Variants in ISCU observed in about 807,000 individuals in gnomAD.
ISCU encodes iron-sulfur cluster assembly enzyme, also known as iron-sulfur cluster assembly enzyme ISCU.
A neutral mutation model predicts 18.4 loss-of-function variants in ISCU; 13 were observed. The ratio of observed to expected loss-of-function variants is 0.71; its 90% confidence interval spans 0.46 to 1.12. The LOEUF is 1.12. ISCU is among the 50% of genes most tolerant of loss of function. The pLI, the probability that ISCU is intolerant of heterozygous loss-of-function variation, is 0.00. For synonymous variants in ISCU, 104 were observed against 87.5 expected (o/e 1.19, Z -1.06); for missense variants, 229 against 208.7 (o/e 1.10, Z -0.60).
At position 108,562,637 on chromosome 12, in the gene ISCU, G is replaced by A. The variant is rs753475516; in HGVS notation, c.15G>A (p.Gly5=). MAAA[G]AFRLRRAASA... ...AAGCCGGCAAGATGGCGGCGGCTGG[G>A]GCTTTCCGTCTGAGGCGGGCGGCAT... Residue 5 remains glycine (G), a synonymous_variant, in exon 1 of 5, where the codon GGG becomes GGA. Transcript: ENST00000311893. The A allele has an allele frequency of 4.7e-6, 7 of 1,480,472 alleles. No homozygotes were observed. In the Admixed American group the frequency reaches 6.8e-5, roughly 14 times the overall value. 91.7% of individuals were successfully genotyped at this position (1,480,472 alleles called of 1,614,324 possible).
chr12:108,564,979 C>T, intron 2 of ISCU: 1 of 352,060 alleles, frequency 2.8e-6, no homozygotes, highest in Non-Finnish European at 5.2e-6. Context: ...TGGACTCTGT[C>T]AGTGTTTAAA....
chr12:108,568,469 A>G lies in ISCU; in HGVS notation c.419-362A>G. ...TAGACTTTGATGGGAGCAGGCAAGAAGTAACATTTCCTGTGTCCCTACTAT... is the reference window on the plus strand; with the variant it reads ...TAGACTTTGATGGGAGCAGGCAAGAGGTAACATTTCCTGTGTCCCTACTAT... On this transcript the variant is annotated intron_variant, in intron 4 of 4. Coordinates refer to ENST00000311893, the MANE Select transcript of ISCU (RefSeq NM_213595.4). 3.4e-6 allele frequency: 4 copies of G among 1,164,072 alleles called. No homozygotes were observed. The South Asian group carries it at 6.4e-5, about 19-fold the overall frequency. 72.1% of individuals were successfully genotyped at this position (1,164,072 alleles called of 1,614,324 possible). A position where few individuals can be genotyped will look rare whatever the true frequency, so the allele number is the denominator to read the frequency against.
chr12:108,568,586 G>T, intron 4 of ISCU: 2 of 1,385,246 alleles, frequency 1.4e-6, no homozygotes, highest in Non-Finnish European at 1.9e-6. Flanking sequence ...GGTCAAAGAG[G>T]CTAAGGAACT....
chr12:108,564,073 G>C, intron 1 of ISCU: 1 of 1,607,226 alleles, frequency 6.2e-7, no homozygotes, highest in Non-Finnish European at 8.5e-7. Flanking sequence ...TCTCAAATCT[G>C]TGAAGTATTG....
intron 3 of ISCU, among the ~76,000 whole-genome samples, chr12:108,565,784 T>A (rs538351846): frequency 6.6e-6 from 1 of 152,322 alleles, no homozygotes; most frequent in East Asian, 1.9e-4. Context: ...TTTCCTCTCA[T>A]GTTTCAGGAA....
chr12:108,565,373 G>C lies in ISCU; in HGVS notation c.281G>C (p.Gly94Ala). 2.5e-6 allele frequency: 4 copies of C among 1,614,174 alleles called. No homozygotes were observed. Among genetic ancestry groups the C allele is most frequent in the Non-Finnish European group, 3.4e-6 (4 of 1,180,020 alleles). Residue 94 changes from glycine to alanine, a missense_variant, in exon 3 of 5, where the codon GGC (glycine) becomes GCC (alanine). Physicochemically the swap from Gly to Ala is moderately conservative, Grantham distance 60. Transcript: ENST00000311893. ...GTGGATGCTAGGTTTAAAACATTTG[G>C]CTGTGGTTCCGCAATTGCCTCCAGC... ...KIVDARFKTF[G>A]CGSAIASSSL...
intron 2 of ISCU, 194 bp from the exon 3 acceptor site, chr12:108,565,127 C>T: frequency 3.3e-6 from 2 of 599,904 alleles, no homozygotes; most frequent in Non-Finnish European, 6.0e-6. Context: ...TCAGTTGGGC[C>T]TGGATAGTTG....
In ISCU at chr12:108,569,259, T is replaced by C. The variant is rs2031044417; in HGVS notation, c.*343T>C. 3.3e-6 allele frequency: 1 copy of C among 306,696 alleles called. No homozygotes were observed. Among genetic ancestry groups the C allele is most frequent in the African/African-American group, 2.2e-5 (1 of 46,390 alleles). The allele number at this position is 306,696 out of a possible 1,614,324, so 19.0% of individuals were successfully genotyped here. A position where few individuals can be genotyped will look rare whatever the true frequency, so the allele number is the denominator to read the frequency against. ...TTACCTGAATTGATTTGGGGGGAAA[T>C]TACCAGTAGAATGCCTTGGTCTGAA... is the stretch of plus-strand genomic sequence containing the variant. On this transcript the variant is annotated 3_prime_UTR_variant, in exon 5 of 5. Coordinates refer to ENST00000311893, the MANE Select transcript of ISCU (RefSeq NM_213595.4).
In ISCU at chr12:108,564,411, A is replaced by G; in HGVS notation, c.228+19A>G. 7 of 1,495,556 alleles carry G rather than the reference A, an allele frequency of 4.7e-6. No individual in the cohort carries two copies. Among genetic ancestry groups the G allele is most frequent in the Non-Finnish European group, 6.5e-6 (7 of 1,071,914 alleles). The allele number at this position is 1,495,556 out of a possible 1,614,324, so 92.6% of individuals were successfully genotyped here. A position where few individuals can be genotyped will look rare whatever the true frequency, so the allele number is the denominator to read the frequency against. ...ATTACAGGTATGGCTAGTCTTTTTT[A>G]ATAGTGATAACAATAATCCCTTTAA... is the stretch of plus-strand genomic sequence containing the variant. On this transcript the variant is annotated intron_variant, in intron 2 of 4. Transcript: ENST00000311893.
At chr12:108,568,702 A>T in intron 4 of ISCU, 129 bp from the exon 5 acceptor site, 2 of 1,520,282 alleles carry the variant, frequency 1.3e-6, no homozygotes, top group South Asian at 2.5e-5. Flanking sequence ...TCCTCACCCC[A>T]GCTTTCTGGC....
chr12:108,567,597 C>T, intron 4 of ISCU: 1 of 1,372,820 alleles, frequency 7.3e-7, no homozygotes, highest in Non-Finnish European at 1.0e-6. Flanking sequence ...GGTTGAGACG[C>T]CCACATCACA....
intron 4 of ISCU, chr12:108,567,668 G>GT: frequency 6.5e-7 from 1 of 1,535,988 alleles, no homozygotes; most frequent in Non-Finnish European, 8.7e-7. Context: ...AATCTGTGCT[G>GT]TTTCCAGCAG....
rs544366643 is a variant in ISCU, at chr12:108,568,245, C to A, written c.419-586C>A. 26 of 1,198,310 alleles carry A rather than the reference C, an allele frequency of 2.2e-5. 1 individual carries two copies. The South Asian group carries it at 7.2e-4, about 33-fold the overall frequency. 74.2% of individuals were successfully genotyped at this position (1,198,310 alleles called of 1,614,324 possible). A position where few individuals can be genotyped will look rare whatever the true frequency, so the allele number is the denominator to read the frequency against. The stretch of plus-strand genomic sequence containing the variant: ...GCTGATGTTCTCTGTTATTTGCTTG[C>A]TTTCTGCTGTCATTCCAGCTCTCTC... On this transcript the variant is annotated intron_variant, in intron 4 of 4. Transcript: ENST00000311893.
In ISCU at chr12:108,567,199, G is replaced by A; in HGVS notation, c.349G>A (p.Ala117Thr). ...CCATTATGCCTCTCAGGTGGAGGAAGCCTTGACTATCAAAAACACAGATAT... is the reference window on the plus strand; with the variant it reads ...CCATTATGCCTCTCAGGTGGAGGAAACCTTGACTATCAAAAACACAGATAT... ...EWVKGKTVEE[A>T]LTIKNTDIAK... The change falls in exon 4 of 5, where the codon GCC (alanine) becomes ACC (threonine). Residue 117 changes from alanine (A) to threonine (T), a missense_variant. Transcript: ENST00000311893. The A allele has an allele frequency of 6.2e-7, 1 of 1,613,612 alleles. No individual in the cohort carries two copies. Among genetic ancestry groups the A allele is most frequent in the Non-Finnish European group, 8.5e-7 (1 of 1,179,662 alleles).
At chr12:108,565,064 C>G in intron 2 of ISCU, 1 of 532,192 alleles carries the variant, frequency 1.9e-6, no homozygotes, top group Non-Finnish European at 3.3e-6. Context: ...AGGCCAGAGT[C>G]ACAAAACAAA....
intron 1 of ISCU, chr12:108,564,024 C>G: frequency 7.3e-7 from 1 of 1,375,746 alleles, no homozygotes; most frequent in East Asian, 2.3e-5. Flanking sequence ...TCCTATGGAA[C>G]TAAGACATGA....
In ISCU at chr12:108,568,252, C is replaced by T. The variant is rs1592794901; in HGVS notation, c.419-579C>T. On this transcript the variant is annotated intron_variant, in intron 4 of 4. Transcript: ENST00000311893. Reference sequence around the variant, plus strand: ...TTCTCTGTTATTTGCTTGCTTTCTGCTGTCATTCCAGCTCTCTCAGTTTTT... The same window carrying T: ...TTCTCTGTTATTTGCTTGCTTTCTGTTGTCATTCCAGCTCTCTCAGTTTTT... 6.7e-6 allele frequency: 8 copies of T among 1,186,772 alleles called. No individual in the cohort carries two copies. In the East Asian group the frequency reaches 3.2e-4, roughly 48 times the overall value. 73.5% of individuals were successfully genotyped at this position (1,186,772 alleles called of 1,614,324 possible).
At chr12:108,564,977 G>A (rs1314362892) in intron 2 of ISCU, 1 of 350,154 alleles carries the variant, frequency 2.9e-6, no homozygotes, top group African/African-American at 2.1e-5. Flanking sequence ...TGTGGACTCT[G>A]TCAGTGTTTA....
intron 4 of ISCU, chr12:108,567,595 C>T (rs1445217894): frequency 1.1e-4 from 142 of 1,347,972 alleles, no homozygotes; most frequent in Non-Finnish European, 1.3e-4. Context: ...TGGGTTGAGA[C>T]GCCCACATCA....
Sources: gnomAD v4.1 joint callset for allele counts (sites outside exome capture counted in the v4.1 genomes callset) on GRCh38, gnomAD v4.1.1 for gene constraint, MANE v1.5 for transcripts, NCBI Gene and HGNC (gene_info 2026-07-23, HGNC 2026-07-21) for gene names.